Variants in BPTF observed in about 807,000 individuals in gnomAD.
The protein encoded by BPTF is nucleosome-remodeling factor subunit BPTF.
A neutral mutation model predicts 292.5 loss-of-function variants in BPTF; 18 were observed. The observed-to-expected ratio is 0.06, with a 90% CI of 0.04 to 0.09. The LOEUF is 0.09. BPTF is among the 10% of genes least tolerant of loss of function. The pLI is 1.00. For missense variants in BPTF, 2,726 were observed against 3,498.7 expected, an observed-to-expected ratio of 0.78 and a Z score of 5.57; for synonymous variants, 1,225 against 1,251.9, an observed-to-expected ratio of 0.98 and a Z score of 0.45.
At chr17:67,883,231 G>A (rs1371402878) in intron 4 of BPTF, among the ~76,000 whole-genome samples, 3 of 151,482 alleles carry the variant, frequency 2.0e-5, no homozygotes, top group African/African-American at 4.9e-5. Flanking sequence ...CAGGAGAATC[G>A]CTTGAACCCA....
Position 67,959,704 on chromosome 17 carries a change from G to A in BPTF, c.8090G>A (p.Gly2697Asp), listed in dbSNP as rs1598928076. Residue 2697 changes from glycine to aspartate, a missense_variant, in exon 24 of 28, where the codon GGC (glycine) becomes GAC (aspartate). Gly to Asp is a moderately conservative substitution (Grantham distance 94). Around this residue, in one of 22 missense-constraint regions of BPTF, gnomAD observed 148 missense variants for 145.5 expected, o/e 1.02. Transcript: ENST00000306378. ...CCTCCACCTGCTGTGCAACACACAG[G>A]CCTTCTGTCCACGCCCACCTTACCT... ...PPPPPAVQHT[G>D]LLSTPTLPAA... 1 of 1,581,794 alleles carries A rather than the reference G, an allele frequency of 6.3e-7. No individual in the cohort carries two copies. The highest frequency in any genetic ancestry group is 1.4e-5 in the African/African-American group (1 of 73,206).
chr17:67,858,675 A>G (rs2058878315), intron 2 of BPTF, among the ~76,000 whole-genome samples: 1 of 151,942 alleles, frequency 6.6e-6, no homozygotes, highest in African/African-American at 2.4e-5. Context: ...AGCAGTTAGC[A>G]GGTCACGTTC....
At chr17:67,895,964 C>CTTTT (rs796964349) in intron 7 of BPTF, among the ~76,000 whole-genome samples, 1 of 135,344 alleles carries the variant, frequency 7.4e-6, no homozygotes, top group African/African-American at 2.7e-5. Flanking sequence ...CTCAATCAGG[C>CTTTT]TTTTTTTTTT....
chr17:67,857,465 AT>A (rs751472386), intron 2 of BPTF, among the ~76,000 whole-genome samples: 613 of 136,326 alleles, frequency 4.5e-3, no homozygotes, highest in Middle Eastern at 0.012. Flanking sequence ...TGGACAGCAG[AT>A]TTTTTTTTTT....
rs1479577095 is a variant in BPTF, at chr17:67,983,215, C to G, written c.*927C>G. ...TGTAAGCCTTTGTGGGGAGGGAGGC[C>G]TGCAAGGTCATGAAAGGCAGAAGAG... is the stretch of plus-strand genomic sequence containing the variant. On this transcript the variant is annotated 3_prime_UTR_variant, in exon 28 of 28. Transcript: ENST00000306378. The G allele has an allele frequency of 6.6e-6, 1 of 152,550 alleles. No homozygotes were observed. 9.4% of individuals were successfully genotyped at this position (152,550 alleles called of 1,614,324 possible). A position where few individuals can be genotyped will look rare whatever the true frequency, so the allele number is the denominator to read the frequency against.
intron 1 of BPTF, among the ~76,000 whole-genome samples, chr17:67,852,531 C>CTTAA (rs1322891536): frequency 2.0e-5 from 3 of 152,126 alleles, no homozygotes; most frequent in African/African-American, 7.2e-5. Context: ...ATTCCTTCTG[C>CTTAA]TTAACACTGT....
chr17:67,945,209 A>G (rs2147930731), intron 20 of BPTF, among the ~76,000 whole-genome samples, 200 bp from the exon 21 acceptor site: 1 of 151,344 alleles, frequency 6.6e-6, no homozygotes, highest in East Asian at 1.9e-4. Context: ...ATAATTTTTT[A>G]TTTTTTTTGT....
At chr17:67,884,597 G>A (rs186297259) in intron 4 of BPTF, among the ~76,000 whole-genome samples, 38 of 151,894 alleles carry the variant, frequency 2.5e-4, no homozygotes, top group African/African-American at 8.9e-4. Flanking sequence ...TGTATTTTTC[G>A]TAGTGATGGA....
rs1419799395 is a variant in BPTF, at chr17:67,911,608, A to G, written c.3724A>G (p.Ser1242Gly). The G allele has an allele frequency of 6.2e-7, 1 of 1,614,094 alleles. No homozygotes were observed. Among genetic ancestry groups the G allele is most frequent in the African/African-American group, 1.3e-5 (1 of 74,932 alleles). ...CAAAAAACCGCTCATACAGGAGGAAAGTGACACCATTGTTTCTTCTTCCAA... is the reference window on the plus strand; with the variant it reads ...CAAAAAACCGCTCATACAGGAGGAAGGTGACACCATTGTTTCTTCTTCCAA... Reference protein sequence around the residue: ...KNKKPLIQEESDTIVSSSKSA... With the variant: ...KNKKPLIQEEGDTIVSSSKSA... Residue 1242 changes from serine to glycine, a missense_variant, in exon 11 of 28, where the codon AGT becomes GGT. Around this residue, in one of 22 missense-constraint regions of BPTF, gnomAD observed 713 missense variants for 714.9 expected, o/e 1.00. Coordinates refer to ENST00000306378, the MANE Select transcript of BPTF (RefSeq NM_182641.4).
At chr17:67,875,687 G>T in intron 4 of BPTF, 2 of 1,607,054 alleles carry the variant, frequency 1.2e-6, no homozygotes, top group Non-Finnish European at 1.7e-6. Context: ...AGAAACCCCC[G>T]ATAGCAGCAA....
rs188223698 is a variant in BPTF at position 67,968,914 on chromosome 17, G to A, written c.8539+2258G>A. ...GAGAATTGCTTGAACCTGGAAGGCA[G>A]AGGTTGCATTGAGCCGAGATCGCGC... On this transcript the variant is annotated intron_variant, in intron 26 of 27. Transcript: ENST00000306378. Among the ~76,000 whole-genome samples, 228 of 151,492 alleles carry A rather than the reference G, an allele frequency of 1.5e-3. 6 individuals carry two copies. Among genetic ancestry groups the A allele is most frequent in the African/African-American group, 5.4e-3 (219 of 40,922 alleles).
intron 18 of BPTF, among the ~76,000 whole-genome samples, chr17:67,938,807 A>G (rs1281479589): frequency 6.6e-6 from 1 of 152,242 alleles, no homozygotes. Context: ...TAGATGGCAA[A>G]GTGGAAAAAA....
At chr17:67,898,669 TTTTTTTTGAAGATG>T (rs1270146105) in intron 7 of BPTF, among the ~76,000 whole-genome samples, 1 of 151,474 alleles carries the variant, frequency 6.6e-6, no homozygotes, top group African/African-American at 2.4e-5. Flanking sequence ...GTCTTTTTTT[TTTTTTTTGAAGATG>T]TATTGCAAAC....
intron 4 of BPTF, chr17:67,875,726 C>A: frequency 6.3e-7 from 1 of 1,598,774 alleles, no homozygotes; most frequent in Non-Finnish European, 8.5e-7. Context: ...GGCATCTGAG[C>A]TCCCCCAGGA....
intron 1 of BPTF, among the ~76,000 whole-genome samples, chr17:67,842,089 C>A (rs1217534771): frequency 6.6e-6 from 1 of 151,862 alleles, no homozygotes; most frequent in Non-Finnish European, 1.5e-5. Context: ...TATTCTAGCG[C>A]CCCTCCCTTA....
chr17:67,914,368 T>C (rs991707248), intron 11 of BPTF, among the ~76,000 whole-genome samples: 1 of 152,216 alleles, frequency 6.6e-6, no homozygotes, highest in Non-Finnish European at 1.5e-5. Context: ...AAATAAAATA[T>C]CATCACTCCA....
At chr17:67,981,888 C>A (rs1276661472) in intron 27 of BPTF, 7 of 177,182 alleles carry the variant, frequency 4.0e-5, no homozygotes, top group African/African-American at 1.7e-4. Context: ...CACACACACA[C>A]ACACACACAC....
intron 4 of BPTF, among the ~76,000 whole-genome samples, chr17:67,889,747 G>T (rs915555936): frequency 6.6e-6 from 1 of 152,168 alleles, no homozygotes; most frequent in Non-Finnish European, 1.5e-5. Context: ...GGCAGAGGTT[G>T]CAGTGAGCCG....
At chr17:67,966,891 G>A (rs1264238358) in intron 26 of BPTF, among the ~76,000 whole-genome samples, 3 of 151,900 alleles carry the variant, frequency 2.0e-5, no homozygotes, top group Non-Finnish European at 4.4e-5. Flanking sequence ...CATGAGGTCA[G>A]GAGATCGAGA....
Sources: gnomAD v4.1 joint callset for allele counts (sites outside exome capture counted in the v4.1 genomes callset) on GRCh38, gnomAD v4.1.1 for gene constraint, gnomAD v4.1.1 regional missense constraint, MANE v1.5 for transcripts, NCBI Gene and HGNC (gene_info 2026-07-23, HGNC 2026-07-21) for gene names.